BANK1: variants seen among roughly 807,000 people sequenced by gnomAD.
BANK1 encodes the protein B cell scaffold protein with ankyrin repeats 1, also known as B-cell scaffold protein with ankyrin repeats.
In BANK1, 95 loss-of-function variants were observed where a neutral mutation model predicts 94.5. The ratio of observed to expected loss-of-function variants is 1.00; its 90% CI spans 0.85 to 1.19. The LOEUF is 1.19. Ranked by LOEUF, BANK1 falls within the 50% of genes most tolerant of loss-of-function variation. BANK1 has a pLI of 0.00. For missense variants in BANK1, 987 were observed against 932.2 expected, an observed-to-expected ratio of 1.06 and a Z score of -0.77; for synonymous variants, 334 against 308.4, an observed-to-expected ratio of 1.08 and a Z score of -0.87.
intron 1 of BANK1, among the ~76,000 whole-genome samples, chr4:101,814,913 A>T (rs1725850660): frequency 6.6e-6 from 1 of 152,188 alleles, no homozygotes; most frequent in African/African-American, 2.4e-5. Flanking sequence ...TTTATTATAT[A>T]ATAGAATGTA....
At chr4:102,046,639 T>A (rs1472332504) in intron 11 of BANK1, among the ~76,000 whole-genome samples, 1 of 152,182 alleles carries the variant, frequency 6.6e-6, no homozygotes, top group East Asian at 1.9e-4. Context: ...CCTTTTTAAC[T>A]GTTCTCTTGC....
Position 102,004,900 on chromosome 4 carries a change from A to G in BANK1, c.1207-16614A>G, listed in dbSNP as rs144585947. 1.5e-3 allele frequency among the ~76,000 whole-genome samples: 221 copies of G among 152,210 alleles called. 1 individual carries two copies. The highest frequency in any genetic ancestry group is 6.8e-3 in the Middle Eastern group (2 of 294). On this transcript the variant is annotated intron_variant, in intron 7 of 16. Coordinates refer to ENST00000322953, the MANE Select transcript of BANK1 (RefSeq NM_017935.5). ...AAGTACCTCCACTGCTTTAGTTGTA[A>G]ATACCTTATATTGAATGCTACGTGT...
chr4:102,054,031 A>G (rs1015366699), intron 11 of BANK1, among the ~76,000 whole-genome samples: 3 of 152,092 alleles, frequency 2.0e-5, no homozygotes, highest in African/African-American at 7.2e-5. Flanking sequence ...AGTCATCACA[A>G]TAAATTCATA....
intron 7 of BANK1, among the ~76,000 whole-genome samples, chr4:101,964,144 C>G (rs142331425): frequency 6.6e-6 from 1 of 152,114 alleles, no homozygotes; most frequent in South Asian, 2.1e-4. Context: ...TTTATTCAAT[C>G]GAATATATCA....
At chr4:101,968,886 A>T (rs923269594) in intron 7 of BANK1, among the ~76,000 whole-genome samples, 2 of 152,124 alleles carry the variant, frequency 1.3e-5, no homozygotes, top group African/African-American at 4.8e-5. Context: ...ACATGATGTG[A>T]TGCTAAAATG....
chr4:102,007,122 T>TAA (rs1726312068), intron 7 of BANK1, among the ~76,000 whole-genome samples: 1 of 86,624 alleles, frequency 1.2e-5, no homozygotes, highest in African/African-American at 5.3e-5. Context: ...AATATATATT[T>TAA]TATATATATA....
chr4:102,062,320 C>A (rs1408659465), intron 12 of BANK1: 1 of 152,096 alleles, frequency 6.6e-6, no homozygotes, highest in Non-Finnish European at 1.5e-5. Flanking sequence ...CTTCACTGTC[C>A]TCACCCCTAC....
chr4:101,940,782 TC>T (rs1200260548), intron 7 of BANK1, among the ~76,000 whole-genome samples: 4 of 151,788 alleles, frequency 2.6e-5, no homozygotes, highest in Non-Finnish European at 5.9e-5. Context: ...ATATTTCCTA[TC>T]AACATAACTC....
intron 2 of BANK1, among the ~76,000 whole-genome samples, chr4:101,835,029 G>A (rs1162243568): frequency 1.3e-5 from 2 of 152,034 alleles, no homozygotes; most frequent in African/African-American, 2.4e-5. Context: ...TTCCCAAATT[G>A]GGAGTAACAC....
At chr4:101,980,693 TGA>T (rs1180607731) in intron 7 of BANK1, among the ~76,000 whole-genome samples, 1 of 152,054 alleles carries the variant, frequency 6.6e-6, no homozygotes, top group Admixed American at 6.6e-5. Flanking sequence ...CTTGTGATGT[TGA>T]GTCTTTCTCT....
At chr4:101,851,095 A>G (rs1727457783) in intron 2 of BANK1, among the ~76,000 whole-genome samples, 1 of 152,226 alleles carries the variant, frequency 6.6e-6, no homozygotes, top group African/African-American at 2.4e-5. Context: ...AAGCCAATAT[A>G]GGTAGAAAGC....
chr4:101,875,804 A>G (rs1403721468), intron 5 of BANK1, among the ~76,000 whole-genome samples: 2 of 152,166 alleles, frequency 1.3e-5, no homozygotes, highest in Non-Finnish European at 2.9e-5. Context: ...GTGGCACAAA[A>G]TAAACTTGAA....
chr4:101,792,248 A>C (rs1725011291), intron 1 of BANK1, among the ~76,000 whole-genome samples: 5 of 115,516 alleles, frequency 4.3e-5, no homozygotes, highest in Non-Finnish European at 4.0e-5. Flanking sequence ...CCTCCCATGC[A>C]TTCCGCTCCC....
chr4:102,038,241 T>A (rs1727585472), intron 10 of BANK1, among the ~76,000 whole-genome samples: 1 of 152,174 alleles, frequency 6.6e-6, no homozygotes, highest in South Asian at 2.1e-4. Flanking sequence ...ATCCCAATGC[T>A]ACTTCTTGGG....
At chr4:101,804,357 A>G (rs1207666063) in intron 1 of BANK1, among the ~76,000 whole-genome samples, 1 of 152,206 alleles carries the variant, frequency 6.6e-6, no homozygotes, top group Non-Finnish European at 1.5e-5. Flanking sequence ...GTGTATGATG[A>G]CAGTCATCTC....
At chr4:101,968,528 A>G (rs1035636900) in intron 7 of BANK1, among the ~76,000 whole-genome samples, 3 of 151,940 alleles carry the variant, frequency 2.0e-5, no homozygotes, top group African/African-American at 4.8e-5. Context: ...ATGTGGTCTC[A>G]AAGGGAGGTG....
chr4:101,914,333 A>C (rs1722758680), intron 6 of BANK1, among the ~76,000 whole-genome samples: 1 of 151,902 alleles, frequency 6.6e-6, no homozygotes, highest in Non-Finnish European at 1.5e-5. Context: ...TTCTGGCCTC[A>C]CCCCGAGGAG....
chr4:102,064,174 C>G (rs1370523678), intron 13 of BANK1, among the ~76,000 whole-genome samples: 1 of 152,122 alleles, frequency 6.6e-6, no homozygotes, highest in African/African-American at 2.4e-5. Flanking sequence ...ATTAATATTG[C>G]ATAGCTTTTA....
At chr4:101,956,034 G>C (rs746410884) in intron 7 of BANK1, among the ~76,000 whole-genome samples, 9 of 152,052 alleles carry the variant, frequency 5.9e-5, no homozygotes, top group Non-Finnish European at 8.8e-5. Context: ...CAAAATAAGT[G>C]TTTTCAGAAT....
Sources: allele counts gnomAD v4.1 joint callset (sites outside exome capture counted in the v4.1 genomes callset), GRCh38; gene constraint gnomAD v4.1.1; transcripts MANE v1.5; gene names NCBI Gene and HGNC (gene_info 2026-07-23, HGNC 2026-07-21).